Variants in FAM107B observed in about 807,000 individuals in gnomAD.
FAM107B encodes the protein family with sequence similarity 107 member B.
FAM107B carries 21 observed loss-of-function variants against 31.5 expected under a neutral mutation model. That is an observed-to-expected ratio of 0.67 (90% CI 0.47 to 0.96). FAM107B has a LOEUF of 0.96. FAM107B is among the 40% of genes least tolerant of loss of function. The pLI is 0.00. For missense variants in FAM107B, 452 were observed against 377.1 expected, an observed-to-expected ratio of 1.20 and a Z score of -1.64; for synonymous variants, 157 against 141.5, an observed-to-expected ratio of 1.11 and a Z score of -0.78.
At chr10:14,734,181 T>C (rs571426214) in intron 1 of FAM107B, among the ~76,000 whole-genome samples, 1 of 152,326 alleles carries the variant, frequency 6.6e-6, no homozygotes, top group South Asian at 2.1e-4. Context: ...GGGTAATAAA[T>C]GTCCTGCCAC....
At chr10:14,675,549 T>C (rs187419746) in intron 1 of FAM107B, among the ~76,000 whole-genome samples, 59 of 152,264 alleles carry the variant, frequency 3.9e-4, no homozygotes, top group African/African-American at 1.3e-3. Context: ...CTTCCTTCAT[T>C]TGGAAAATGG....
intron 2 of FAM107B, among the ~76,000 whole-genome samples, chr10:14,627,637 G>T (rs565161690): frequency 2.0e-5 from 3 of 152,238 alleles, no homozygotes; most frequent in African/African-American, 4.8e-5. Context: ...ATTAGCCGTG[G>T]TTGAGCACAC....
rs542913273 is a variant in FAM107B, at chr10:14,723,792, C to T, written c.411+50461G>A. The stretch of plus-strand genomic sequence containing the variant: ...TGGCTCCAGTGGCAGCAGCAAACTT[C>T]AGCAGGGCCCTCTGGCCAGTATACC... On this transcript the variant is annotated intron_variant, in intron 1 of 4. Transcript: ENST00000181796. 1.6e-5 allele frequency: 12 copies of T among 758,216 alleles called. No homozygotes were observed. In the East Asian group the frequency reaches 2.4e-4, roughly 15 times the overall value. The allele number at this position is 758,216 out of a possible 1,614,324, so 47.0% of individuals were successfully genotyped here.
intron 2 of FAM107B, among the ~76,000 whole-genome samples, chr10:14,542,169 C>G (rs1437809919): frequency 1.3e-5 from 2 of 151,028 alleles, no homozygotes; most frequent in African/African-American, 2.4e-5. Flanking sequence ...ACTTAGGAGG[C>G]TGAGGCACGA....
chr10:14,531,353 T>C (rs1476929444), intron 2 of FAM107B, among the ~76,000 whole-genome samples: 2 of 150,752 alleles, frequency 1.3e-5, no homozygotes, highest in African/African-American at 4.9e-5. Context: ...ACCCCATATG[T>C]TTAAAAAACA....
At chr10:14,536,526 A>T (rs1457967510) in intron 2 of FAM107B, among the ~76,000 whole-genome samples, 4 of 152,158 alleles carry the variant, frequency 2.6e-5, no homozygotes, top group East Asian at 1.9e-4. Context: ...CTCTCTCAGC[A>T]CCCACAGTTC....
At position 14,667,708 on chromosome 10, in the gene FAM107B, T is replaced by C. The variant is rs2131472916; in HGVS notation, c.412-17A>G. The C allele has an allele frequency of 1.9e-6, 3 of 1,613,752 alleles. No individual in the cohort carries two copies. Among genetic ancestry groups the C allele is most frequent in the Non-Finnish European group, 1.7e-6 (2 of 1,179,842 alleles). On this transcript the variant is annotated splice_polypyrimidine_tract_variant and intron_variant, in intron 1 of 4. Transcript: ENST00000181796. ...TTCTTCTTCCTAAGCGCCAGCCCCA[T>C]AAACCAGAAAAGCAGGGAGAAAGTA...
intron 2 of FAM107B, among the ~76,000 whole-genome samples, chr10:14,667,176 A>T (rs1369499856): frequency 6.6e-6 from 1 of 152,222 alleles, no homozygotes; most frequent in African/African-American, 2.4e-5. Context: ...TTTCCTCATT[A>T]ACTCATAGGG....
intron 2 of FAM107B, among the ~76,000 whole-genome samples, chr10:14,593,884 A>T (rs1273616525): frequency 5.3e-5 from 8 of 152,204 alleles, no homozygotes; most frequent in Non-Finnish European, 8.8e-5. Context: ...GCAGGAAAAA[A>T]TACCGTTTAG....
intron 2 of FAM107B, among the ~76,000 whole-genome samples, chr10:14,560,617 C>T (rs549053755): frequency 6.8e-4 from 103 of 152,266 alleles, no homozygotes; most frequent in African/African-American, 2.2e-3. Flanking sequence ...ACATGGCTCA[C>T]CTGCGACAGG....
intron 2 of FAM107B, among the ~76,000 whole-genome samples, chr10:14,534,468 C>G (rs886616656): frequency 6.6e-6 from 1 of 152,156 alleles, no homozygotes. Context: ...CTGCTACCAA[C>G]GCTGGAAAAT....
At chr10:14,571,768 A>AT in intron 2 of FAM107B, 6 of 985,182 alleles carry the variant, frequency 6.1e-6, no homozygotes, top group Non-Finnish European at 7.2e-6. Flanking sequence ...CTTACCTCAG[A>AT]TATCTATTTT....
chr10:14,621,862 GA>G (rs1853018987), intron 2 of FAM107B, among the ~76,000 whole-genome samples: 1 of 152,118 alleles, frequency 6.6e-6, no homozygotes, highest in Admixed American at 6.5e-5. Context: ...AAATTCTTCA[GA>G]GTAAAAAAAA....
intron 2 of FAM107B, among the ~76,000 whole-genome samples, chr10:14,533,373 A>G (rs1847240054): frequency 6.6e-6 from 1 of 152,184 alleles, no homozygotes; most frequent in Non-Finnish European, 1.5e-5. Flanking sequence ...TTCCGGCCTG[A>G]GCAACCAGAA....
At chr10:14,683,123 TC>T (rs920068548) in intron 1 of FAM107B, among the ~76,000 whole-genome samples, 2 of 152,182 alleles carry the variant, frequency 1.3e-5, no homozygotes, top group Admixed American at 6.5e-5. Context: ...ATCCACGCCA[TC>T]CGCCTGGCTC....
At chr10:14,601,346 A>G (rs1852390396) in intron 2 of FAM107B, among the ~76,000 whole-genome samples, 1 of 152,140 alleles carries the variant, frequency 6.6e-6, no homozygotes, top group Non-Finnish European at 1.5e-5. Flanking sequence ...CACGTTTCCT[A>G]AGTACTTAGG....
At chr10:14,649,183 A>G (rs1353178664) in intron 2 of FAM107B, among the ~76,000 whole-genome samples, 1 of 152,250 alleles carries the variant, frequency 6.6e-6, no homozygotes, top group Non-Finnish European at 1.5e-5. Flanking sequence ...CATTAGCATT[A>G]AAACAGAGAC....
chr10:14,767,045 TATATATATATAGAG>T (rs1335282488), intron 1 of FAM107B, among the ~76,000 whole-genome samples: 28 of 39,022 alleles, frequency 7.2e-4, no homozygotes, highest in South Asian at 3.0e-3. Flanking sequence ...TATATATATA[TATATATATATAGAG>T]AGAGAGAGAG....
At position 14,519,927 on chromosome 10, in the gene FAM107B, C is replaced by T. The variant is rs1845472306; in HGVS notation, c.*1263G>A. The T allele has an allele frequency of 6.6e-6, 1 of 152,644 alleles. No homozygotes were observed. The highest frequency in any genetic ancestry group is 2.4e-5 in the African/African-American group (1 of 41,458). 9.5% of individuals were successfully genotyped at this position (152,644 alleles called of 1,614,324 possible). ...TTTTGCATGAGAATGCGGCTGCTGT[C>T]TGTAACTCGGCCCCCTCTCTGAGGA... On this transcript the variant is annotated 3_prime_UTR_variant, in exon 5 of 5. Transcript: ENST00000181796.
Sources: allele counts gnomAD v4.1 joint callset (sites outside exome capture counted in the v4.1 genomes callset), GRCh38; gene constraint gnomAD v4.1.1; transcripts MANE v1.5; gene names NCBI Gene and HGNC (gene_info 2026-07-23, HGNC 2026-07-21).